Variants in KLHL22 observed in about 807,000 individuals in gnomAD.
KLHL22 encodes kelch-like protein 22.
A neutral mutation model predicts 60.7 loss-of-function variants in KLHL22; 18 were observed. The ratio of observed to expected loss-of-function variants is 0.30; its 90% confidence interval spans 0.20 to 0.44. The LOEUF (loss-of-function observed/expected upper bound fraction) is 0.44, where lower values mean the gene tolerates loss of function less well. Among genes scored for constraint, KLHL22 ranks in the 20% least tolerant of loss-of-function variants. The pLI, the probability that KLHL22 is intolerant of heterozygous loss-of-function variation, is 1.00. For synonymous variants in KLHL22, 355 were observed against 354.5 expected (o/e 1.00, Z -0.01); for missense variants, 596 against 852.3 (o/e 0.70, Z 3.74).
At chr22:20,493,310 C>G (rs1601399651) in intron 1 of KLHL22, 2 of 458,386 alleles carry the variant, frequency 4.4e-6, no homozygotes, top group Admixed American at 2.4e-5. Flanking sequence ...TAGCTAGGGG[C>G]TAAGGGGGAT....
chr22:20,493,297 A>G (rs1367788084), intron 1 of KLHL22: 1 of 466,120 alleles, frequency 2.1e-6, no homozygotes, highest in African/African-American at 2.0e-5. Flanking sequence ...AATTTAAGAA[A>G]CTTAGCTAGG....
In KLHL22 at chr22:20,465,589, T is replaced by G. The variant is rs1026772037; in HGVS notation, c.394-13A>C. On this transcript the variant is annotated splice_polypyrimidine_tract_variant and intron_variant, in intron 3 of 6. Coordinates refer to ENST00000328879, the MANE Select transcript of KLHL22 (RefSeq NM_032775.4). The surrounding 1 kb of genome is among the most constrained non-coding windows in gnomAD (Gnocchi z 4.9). ...TAATTTCTGGGATCTGCAGAGAGAA[T>G]GACACCCATTCAAGCCTGGGCTGGT... 3 of 1,263,232 alleles carry G rather than the reference T, an allele frequency of 2.4e-6. No individual in the cohort carries two copies. In the African/African-American group the frequency reaches 4.4e-5, roughly 19 times the overall value. 78.3% of individuals were successfully genotyped at this position (1,263,232 alleles called of 1,614,324 possible).
At chr22:20,446,878 A>G (rs1443653537) in intron 5 of KLHL22, among the ~76,000 whole-genome samples, 1 of 152,192 alleles carries the variant, frequency 6.6e-6, no homozygotes, top group East Asian at 1.9e-4. Context: ...CCTCTTCCCA[A>G]TAGCGGATAC....
rs141048644 is a variant in KLHL22, at chr22:20,470,175, T to TAA, written c.393+1173_393+1174dup. 4.7e-3 allele frequency among the ~76,000 whole-genome samples: 706 copies of TAA among 149,244 alleles called. 8 individuals are homozygous for TAA. The highest frequency in any genetic ancestry group is 0.024 in the Middle Eastern group (7 of 288). Reference sequence around the variant, plus strand: ...GCAACATAACAAGGCCCCATTCCTATAAAAAAATATATATATATATAATAT... The same window carrying TAA: ...GCAACATAACAAGGCCCCATTCCTATAAAAAAAAATATATATATATATAATAT... On this transcript the variant is annotated intron_variant, in intron 3 of 6. Transcript: ENST00000328879.
chr22:20,471,290 G>C, intron 3 of KLHL22, 60 bp downstream of exon 3: 3 of 1,529,400 alleles, frequency 2.0e-6, no homozygotes. Context: ...AGGCATCATG[G>C]GCATCTCAGG....
chr22:20,447,636 G>A (rs1009087908), intron 5 of KLHL22, among the ~76,000 whole-genome samples: 5 of 147,396 alleles, frequency 3.4e-5, no homozygotes, highest in Non-Finnish European at 3.0e-5. Flanking sequence ...TCCGCCTCCC[G>A]GGTTCGAATG....
intron 6 of KLHL22, among the ~76,000 whole-genome samples, 189 bp downstream of exon 6, chr22:20,446,254 T>A (rs2052857676): frequency 6.6e-6 from 1 of 152,160 alleles, no homozygotes; most frequent in Non-Finnish European, 1.5e-5. Flanking sequence ...GTGGGGAGGC[T>A]ATATGTGTAT....
At chr22:20,450,285 G>A in intron 5 of KLHL22, 2 of 1,009,872 alleles carry the variant, frequency 2.0e-6, no homozygotes, top group Non-Finnish European at 3.2e-6. Context: ...TGCCTGTAGT[G>A]ATTACTTCTG....
At chr22:20,460,428 G>C (rs1380952336) in intron 4 of KLHL22, among the ~76,000 whole-genome samples, 1 of 151,880 alleles carries the variant, frequency 6.6e-6, no homozygotes, top group Admixed American at 6.6e-5. Context: ...CCAATATGGT[G>C]AAACCCCGTC....
rs1050490294 is a variant in KLHL22 at position 20,495,309 on chromosome 22, G to A, written c.-34+451C>T. On this transcript the variant is annotated intron_variant, in intron 1 of 6. Transcript: ENST00000328879. This position sits in a 1 kb window ranked among gnomAD's most constrained non-coding sequence, Gnocchi z 4.6. The stretch of plus-strand genomic sequence containing the variant: ...AGAGCTGGCAAGGCTGGGCTCCTAC[G>A]GCTGCAGTCCCCGGGCCCGATCGAG... Among the ~76,000 whole-genome samples the A allele has an allele frequency of 2.0e-5, 3 of 152,206 alleles. No individual in the cohort carries two copies. Among genetic ancestry groups the A allele is most frequent in the Non-Finnish European group, 4.4e-5 (3 of 68,030 alleles).
chr22:20,464,975 G>T lies in KLHL22; in HGVS notation c.995C>A (p.Thr332Asn), dbSNP rs1266875092. The change falls in exon 4 of 7, where the codon ACT becomes AAT. Residue 332 changes from threonine (T) to asparagine (N), a missense_variant. Thr to Asn is a moderately conservative substitution (Grantham distance 65, BLOSUM62 0). Transcript: ENST00000328879. ...NPLLGEWKHF[T>N]ASLAPRMSNQ... is the part of the protein sequence containing the mutation. ...GGACATGCGGGGGGCCAGGGAGGCAGTGAAGTGCTTCCACTCTCCCAGTAA... is the reference window on the plus strand; with the variant it reads ...GGACATGCGGGGGGCCAGGGAGGCATTGAAGTGCTTCCACTCTCCCAGTAA... 6.2e-7 allele frequency: 1 copy of T among 1,610,884 alleles called. No individual in the cohort carries two copies. Among genetic ancestry groups the T allele is most frequent in the East Asian group, 2.2e-5 (1 of 44,888 alleles).
chr22:20,465,533 C>A lies in KLHL22; in HGVS notation c.437G>T (p.Trp146Leu). The A allele has an allele frequency of 1.2e-6, 2 of 1,603,786 alleles. No homozygotes were observed. Among genetic ancestry groups the A allele is most frequent in the Non-Finnish European group, 1.7e-6 (2 of 1,170,574 alleles). ...IHFCCDFLMS[W>L]VDEENILDVY... ...ATCGAGAATGTTCTCTTCGTCCACCCAGGACATGAGGAAATCACAGCAGAA... is the reference window on the plus strand; with the variant it reads ...ATCGAGAATGTTCTCTTCGTCCACCAAGGACATGAGGAAATCACAGCAGAA... Residue 146 changes from tryptophan to leucine, a missense_variant, in exon 4 of 7, where the codon TGG becomes TTG. Trp to Leu is a moderately conservative substitution (Grantham distance 61). Transcript: ENST00000328879. The surrounding 1 kb of genome is among the most constrained non-coding windows in gnomAD (Gnocchi z 4.9).
In KLHL22 at chr22:20,465,518, T is replaced by C; in HGVS notation, c.452A>G (p.Asn151Ser). ...TGCCAGCCGGTAGACATCGAGAATGTTCTCTTCGTCCACCCAGGACATGAG... is the reference window on the plus strand; with the variant it reads ...TGCCAGCCGGTAGACATCGAGAATGCTCTCTTCGTCCACCCAGGACATGAG... ...DFLMSWVDEE[N>S]ILDVYRLAEL... Residue 151 changes from asparagine to serine, a missense_variant, in exon 4 of 7, where the codon AAC becomes AGC. Asn to Ser is a conservative substitution (Grantham distance 46). Transcript: ENST00000328879. This position sits in a 1 kb window ranked among gnomAD's most constrained non-coding sequence, Gnocchi z 4.9. 6.2e-7 allele frequency: 1 copy of C among 1,610,652 alleles called. No homozygotes were observed. Among genetic ancestry groups the C allele is most frequent in the Non-Finnish European group, 8.5e-7 (1 of 1,176,842 alleles).
chr22:20,444,815 C>T (rs762229689), intron 6 of KLHL22, among the ~76,000 whole-genome samples: 5 of 130,890 alleles, frequency 3.8e-5, no homozygotes, highest in Admixed American at 1.5e-4. Flanking sequence ...GACAAGGTCT[C>T]GCTCTGTTGC....
At chr22:20,444,995 A>G in intron 6 of KLHL22, among the ~76,000 whole-genome samples, 1 of 152,068 alleles carries the variant, frequency 6.6e-6, no homozygotes, top group South Asian at 2.1e-4. Context: ...CATGTTGCCC[A>G]GGCTGGTATC....
chr22:20,489,130 G>A lies in KLHL22; in HGVS notation c.82C>T (p.Arg28Cys), dbSNP rs774583779. ...AGAGCCTGGGAGTGCTGTGCGCTGC[G>A]GTAGGTGTTGTTCACGCAGTGTGGG... ...SHPHCVNNTY[R>C]SAQHSQALLR... Residue 28 changes from arginine to cysteine, a missense_variant, in exon 2 of 7, where the codon CGC becomes TGC. Physicochemically the swap from Arg to Cys is radical, Grantham distance 180. Coordinates refer to ENST00000328879, the MANE Select transcript of KLHL22 (RefSeq NM_032775.4). 24 of 1,614,020 alleles carry A rather than the reference G, an allele frequency of 1.5e-5. No individual in the cohort carries two copies. Among genetic ancestry groups the A allele is most frequent in the Non-Finnish European group, 1.9e-5 (22 of 1,180,036 alleles).
intron 2 of KLHL22, among the ~76,000 whole-genome samples, chr22:20,476,357 C>G (rs1398468103): frequency 6.7e-6 from 1 of 149,150 alleles, no homozygotes; most frequent in East Asian, 2.0e-4. Flanking sequence ...GGCAACATTT[C>G]AAGCACTGCC....
intron 2 of KLHL22, among the ~76,000 whole-genome samples, chr22:20,481,480 G>A (rs776107208): frequency 2.0e-5 from 3 of 152,066 alleles, no homozygotes; most frequent in Non-Finnish European, 4.4e-5. Context: ...AGCTGAGGTG[G>A]GAGAATCACT....
intron 2 of KLHL22, chr22:20,482,726 C>A (rs1036850926): frequency 2.2e-5 from 14 of 624,310 alleles, no homozygotes; most frequent in Admixed American, 2.1e-4. Context: ...GCATGCACCA[C>A]AACACCTGGC....
Sources: gnomAD v4.1 joint callset for allele counts (sites outside exome capture counted in the v4.1 genomes callset) on GRCh38, gnomAD v4.1.1 for gene constraint, Gnocchi (gnomAD v3.1) non-coding constraint, MANE v1.5 for transcripts, NCBI Gene and HGNC (gene_info 2026-07-23, HGNC 2026-07-21) for gene names.